The following FER variants were observed in gnomAD, a reference collection of about 807,000 sequenced individuals.
The protein encoded by FER is FER tyrosine kinase, also known as tyrosine-protein kinase Fer.
In FER, 63 loss-of-function variants were observed where a neutral mutation model predicts 111.0. The ratio of observed to expected loss-of-function variants is 0.57; its 90% confidence interval spans 0.46 to 0.70. The LOEUF (loss-of-function observed/expected upper bound fraction) is 0.70. Ranked by LOEUF, FER falls within the 30% of genes least tolerant of loss-of-function variation. The pLI is 0.00. For synonymous variants in FER, 327 were observed against 313.9 expected, an observed-to-expected ratio of 1.04 and a Z score of -0.44; for missense variants, 914 against 954.0, an observed-to-expected ratio of 0.96 and a Z score of 0.55.
intron 5 of FER, among the ~76,000 whole-genome samples, chr5:108,862,479 T>A (rs970583499): frequency 2.6e-5 from 4 of 152,174 alleles, no homozygotes; most frequent in Admixed American, 2.6e-4. Context: ...AATGAAAATG[T>A]GTAGAGAGAT....
At chr5:108,998,463 C>T (rs886567743) in intron 13 of FER, among the ~76,000 whole-genome samples, 6 of 152,146 alleles carry the variant, frequency 3.9e-5, no homozygotes, top group African/African-American at 1.4e-4. Flanking sequence ...TTCGGCTCGC[C>T]CTCCATTGGC....
chr5:108,881,345 A>G (rs1236795716), intron 8 of FER, among the ~76,000 whole-genome samples: 1 of 152,150 alleles, frequency 6.6e-6, no homozygotes, highest in Admixed American at 6.6e-5. Context: ...GCAGCAGGCA[A>G]AGAGAGTTTG....
intron 16 of FER, among the ~76,000 whole-genome samples, chr5:109,070,928 C>A (rs1369796474): frequency 6.6e-6 from 1 of 151,844 alleles, no homozygotes; most frequent in African/African-American, 2.4e-5. Context: ...ATAAATGATT[C>A]ATCTATCTTT....
At chr5:109,038,028 A>G (rs189366529) in intron 14 of FER, among the ~76,000 whole-genome samples, 1 of 151,886 alleles carries the variant, frequency 6.6e-6, no homozygotes, top group Non-Finnish European at 1.5e-5. Context: ...AGAAAAAGCA[A>G]CTATATATAA....
chr5:108,856,817 A>G (rs1763055766), intron 5 of FER, among the ~76,000 whole-genome samples: 1 of 152,044 alleles, frequency 6.6e-6, no homozygotes, highest in South Asian at 2.1e-4. Flanking sequence ...TAGTGGAAAC[A>G]TACCTGCTAG....
chr5:108,946,440 G>A (rs72787101), intron 11 of FER, among the ~76,000 whole-genome samples: 17,655 of 151,636 alleles, frequency 0.12, 1,120 homozygotes, highest in Middle Eastern at 0.16. Flanking sequence ...ATGTAACATT[G>A]ACATAGGGAA....
intron 13 of FER, among the ~76,000 whole-genome samples, chr5:108,965,880 A>G (rs1335216796): frequency 6.6e-6 from 1 of 152,228 alleles, no homozygotes; most frequent in East Asian, 1.9e-4. Flanking sequence ...TTGACTATAT[A>G]GTCACTACTT....
Position 109,190,017 on chromosome 5 carries a change from CTCAG to C in FER, c.*2446_*2449del, listed in dbSNP as rs1759264677. The C allele has an allele frequency of 6.6e-6, 1 of 152,122 alleles. No homozygotes were observed. Among genetic ancestry groups the C allele is most frequent in the Non-Finnish European group, 1.5e-5 (1 of 68,026 alleles). 9.4% of individuals were successfully genotyped at this position (152,122 alleles called of 1,614,324 possible). A position where few individuals can be genotyped will look rare whatever the true frequency, so the allele number is the denominator to read the frequency against. ...AGGATTAATAACTTATTGGGAGTCT[CTCAG>C]TCATATAGAATATTAAATTTAATAT... On this transcript the variant is annotated 3_prime_UTR_variant, in exon 20 of 20. Coordinates refer to ENST00000281092, the MANE Select transcript of FER (RefSeq NM_005246.4).
At chr5:109,178,011 A>G (rs1474667694) in intron 17 of FER, among the ~76,000 whole-genome samples, 1 of 152,230 alleles carries the variant, frequency 6.6e-6, no homozygotes, top group African/African-American at 2.4e-5. Context: ...GAACTGGGCA[A>G]TAGTAGGCTT....
chr5:109,156,570 A>C lies in FER; in HGVS notation c.2049-24177A>C, dbSNP rs180804273. ...TATAGATGACAGTAAGAGCCATAGAAGTATATGAGATGATCTAGAAAGACC... is the reference window on the plus strand; with the variant it reads ...TATAGATGACAGTAAGAGCCATAGACGTATATGAGATGATCTAGAAAGACC... On this transcript the variant is annotated intron_variant, in intron 17 of 19. Transcript: ENST00000281092. Among the ~76,000 whole-genome samples the C allele has an allele frequency of 4.6e-5, 7 of 152,074 alleles. No individual in the cohort carries two copies. In the East Asian group the frequency reaches 1.4e-3, roughly 29 times the overall value.
chr5:108,801,730 T>A (rs1012203888), intron 3 of FER, among the ~76,000 whole-genome samples: 2 of 152,222 alleles, frequency 1.3e-5, no homozygotes, highest in South Asian at 4.1e-4. Flanking sequence ...ACTCAGCATA[T>A]GTTTTTTTTC....
chr5:108,910,840 A>G (rs1751450469), intron 10 of FER, among the ~76,000 whole-genome samples: 1 of 152,050 alleles, frequency 6.6e-6, no homozygotes, highest in African/African-American at 2.4e-5. Flanking sequence ...TTATGGCTGC[A>G]TAGTATTCCA....
intron 16 of FER, among the ~76,000 whole-genome samples, chr5:109,048,282 T>G (rs556949593): frequency 6.6e-6 from 1 of 152,340 alleles, no homozygotes; most frequent in South Asian, 2.1e-4. Flanking sequence ...GCAGAATACC[T>G]AGATCATTAT....
intron 16 of FER, among the ~76,000 whole-genome samples, chr5:109,082,629 A>G (rs1427694782): frequency 7.6e-6 from 1 of 131,984 alleles, no homozygotes; most frequent in Non-Finnish European, 1.7e-5. Context: ...CCTCTTAGAG[A>G]AAGGGATTTT....
intron 13 of FER, among the ~76,000 whole-genome samples, chr5:108,995,901 A>G (rs11951971): frequency 0.12 from 17,587 of 152,144 alleles, 1,105 homozygotes; most frequent in Middle Eastern, 0.16. Context: ...AAATGTTCCT[A>G]TTTTTCCACA....
At chr5:108,759,804 T>A (rs904667062) in intron 1 of FER, among the ~76,000 whole-genome samples, 1 of 152,230 alleles carries the variant, frequency 6.6e-6, no homozygotes, top group Non-Finnish European at 1.5e-5. Flanking sequence ...AGGTTTAGGT[T>A]TGAGACCTAA....
Position 108,824,289 on chromosome 5 carries a change from A to AT in FER, c.208-8471dup, listed in dbSNP as rs938044120. ...TTTATGGCTCCATAAGAAGTTTAGG[A>AT]TTTTTTTTTTCTATTTCAAAATTCT... On this transcript the variant is annotated intron_variant, in intron 3 of 19. Coordinates refer to ENST00000281092, the MANE Select transcript of FER (RefSeq NM_005246.4). 2.4e-4 allele frequency among the ~76,000 whole-genome samples: 36 copies of AT among 149,368 alleles called. No individual in the cohort carries two copies. The East Asian group carries it at 4.5e-3, about 19-fold the overall frequency.
chr5:108,969,962 G>A (rs79525246), intron 13 of FER, among the ~76,000 whole-genome samples: 1 of 147,900 alleles, frequency 6.8e-6, no homozygotes, highest in Non-Finnish European at 1.5e-5. Flanking sequence ...ATGTTACTAT[G>A]TTTGTAATAT....
At chr5:108,891,660 T>TG (rs1311431639) in intron 9 of FER, 1 of 151,114 alleles carries the variant, frequency 6.6e-6, no homozygotes, top group Non-Finnish European at 1.5e-5. Context: ...TTGTTTGTTT[T>TG]TTTTTTCTTT....
Sources: allele counts gnomAD v4.1 joint callset (sites outside exome capture counted in the v4.1 genomes callset), GRCh38; gene constraint gnomAD v4.1.1; transcripts MANE v1.5; gene names NCBI Gene and HGNC (gene_info 2026-07-23, HGNC 2026-07-21).